MICU1: variants seen among roughly 807,000 people sequenced by gnomAD.
MICU1 encodes the protein calcium uptake protein 1, mitochondrial.
Under a neutral mutation model 56.8 loss-of-function variants are expected in MICU1, and 45 were observed. That is an observed-to-expected ratio of 0.79 (90% CI 0.62 to 1.02). MICU1 has a LOEUF of 1.02. Among genes scored for constraint, MICU1 ranks in the 50% least tolerant of loss-of-function variants. MICU1 has a pLI of 0.00. For synonymous variants in MICU1, 186 were observed against 195.1 expected (o/e 0.95, Z 0.39); for missense variants, 504 against 587.1 (o/e 0.86, Z 1.46).
chr10:72,612,655 G>A (rs1191911872), intron 1 of MICU1, among the ~76,000 whole-genome samples: 1 of 152,116 alleles, frequency 6.6e-6, no homozygotes, highest in Non-Finnish European at 1.5e-5. Flanking sequence ...TAAAAAATTA[G>A]CCAGGCAAGG....
chr10:72,404,442 C>T (rs901604106), intron 10 of MICU1, among the ~76,000 whole-genome samples: 5 of 152,136 alleles, frequency 3.3e-5, no homozygotes, highest in Non-Finnish European at 7.4e-5. Context: ...GAAATCAACT[C>T]AATAGGCAAC....
intron 9 of MICU1, among the ~76,000 whole-genome samples, chr10:72,418,280 C>T (rs776355691): frequency 3.3e-5 from 5 of 152,142 alleles, no homozygotes; most frequent in Non-Finnish European, 7.4e-5. Flanking sequence ...GTTAAGAAAA[C>T]CCCAGAACAC....
intron 1 of MICU1, among the ~76,000 whole-genome samples, chr10:72,584,200 G>T (rs950287457): frequency 4.6e-5 from 7 of 151,970 alleles, no homozygotes; most frequent in Non-Finnish European, 1.0e-4. Flanking sequence ...GAACCTCCAT[G>T]GTTCACCTTC....
chr10:72,611,179 T>C (rs902344568), intron 1 of MICU1, among the ~76,000 whole-genome samples: 1 of 151,472 alleles, frequency 6.6e-6, no homozygotes, highest in Non-Finnish European at 1.5e-5. Flanking sequence ...AGCGGGCGCC[T>C]GTAGTCCCAG....
At chr10:72,552,856 T>C (rs1235944992) in intron 3 of MICU1, among the ~76,000 whole-genome samples, 1 of 152,078 alleles carries the variant, frequency 6.6e-6, no homozygotes, top group East Asian at 1.9e-4. Context: ...GCCCAGCCTT[T>C]ATTGATATTT....
At chr10:72,524,442 T>C (rs1290048568) in intron 5 of MICU1, among the ~76,000 whole-genome samples, 1 of 152,162 alleles carries the variant, frequency 6.6e-6, no homozygotes, top group Non-Finnish European at 1.5e-5. Context: ...TAATTAAGTA[T>C]CTCTTATGCT....
At chr10:72,521,337 C>T (rs975856923) in intron 5 of MICU1, among the ~76,000 whole-genome samples, 7 of 152,048 alleles carry the variant, frequency 4.6e-5, no homozygotes, top group Admixed American at 3.9e-4. Flanking sequence ...AGCAAACAAA[C>T]ATTTATAGGT....
chr10:72,374,237 C>CAGA (rs1486383713), intron 11 of MICU1, among the ~76,000 whole-genome samples: 2 of 152,258 alleles, frequency 1.3e-5, no homozygotes, highest in Admixed American at 1.3e-4. Flanking sequence ...CCTCTCACTT[C>CAGA]AGCCTCCTGA....
intron 5 of MICU1, among the ~76,000 whole-genome samples, chr10:72,529,289 C>T (rs1014099736): frequency 1.3e-5 from 2 of 151,806 alleles, no homozygotes; most frequent in Non-Finnish European, 2.9e-5. Flanking sequence ...ATTTCTGAAA[C>T]GTTCAGGGAG....
chr10:72,434,378 A>T (rs532364169), intron 8 of MICU1, among the ~76,000 whole-genome samples: 26 of 152,146 alleles, frequency 1.7e-4, no homozygotes, highest in Non-Finnish European at 3.2e-4. Flanking sequence ...TGGCAGAATT[A>T]ACTGCTATTT....
chr10:72,458,704 G>GTT (rs58623292), intron 8 of MICU1, among the ~76,000 whole-genome samples: 13 of 142,896 alleles, frequency 9.1e-5, no homozygotes, highest in Non-Finnish European at 1.7e-4. Context: ...TGCGGTTCCT[G>GTT]TTTTTTTTTT....
intron 8 of MICU1, among the ~76,000 whole-genome samples, chr10:72,471,879 T>C (rs1016703185): frequency 6.6e-6 from 1 of 152,046 alleles, no homozygotes; most frequent in African/African-American, 2.4e-5. Flanking sequence ...GAGGAGTATA[T>C]TGGAACATTC....
chr10:72,461,426 T>C (rs1192746828), intron 8 of MICU1, among the ~76,000 whole-genome samples: 1 of 152,204 alleles, frequency 6.6e-6, no homozygotes, highest in Non-Finnish European at 1.5e-5. Context: ...AACTGAGCAG[T>C]CCCCTGCTCT....
At chr10:72,375,189 A>G (rs76713942) in intron 11 of MICU1, among the ~76,000 whole-genome samples, 4,320 of 152,272 alleles carry the variant, frequency 0.028, 184 homozygotes, top group African/African-American at 0.099. Flanking sequence ...TGAGCAGATT[A>G]ACTTTCTGGC....
chr10:72,574,812 T>C (rs1840701134), intron 1 of MICU1, among the ~76,000 whole-genome samples: 1 of 152,152 alleles, frequency 6.6e-6, no homozygotes, highest in African/African-American at 2.4e-5. Flanking sequence ...TTAAGCTGCT[T>C]AGAAACAGAG....
intron 9 of MICU1, among the ~76,000 whole-genome samples, chr10:72,413,359 A>T (rs1863886160): frequency 6.6e-6 from 1 of 152,266 alleles, no homozygotes; most frequent in Non-Finnish European, 1.5e-5. Context: ...AAATTTAAAA[A>T]ATTTGTGCTT....
chr10:72,476,310 C>T (rs1336136840), intron 7 of MICU1, among the ~76,000 whole-genome samples: 1 of 151,000 alleles, frequency 6.6e-6, no homozygotes, highest in African/African-American at 2.4e-5. Context: ...CTCACTGCAA[C>T]TTCAAAATCC....
At chr10:72,508,393 T>C (rs939506214) in intron 5 of MICU1, 124 bp from the exon 6 acceptor site, 5 of 440,796 alleles carry the variant, frequency 1.1e-5, no homozygotes, top group Middle Eastern at 1.2e-3. Flanking sequence ...ATTTCTCTCA[T>C]GGCCATTCAA....
chr10:72,623,300 CAAAAA>C lies in MICU1; in HGVS notation c.-2+2705_-2+2709del, dbSNP rs1164753291. Among the ~76,000 whole-genome samples the C allele has an allele frequency of 5.4e-4, 30 of 55,928 alleles. No individual in the cohort carries two copies. The South Asian group carries it at 0.019, about 35-fold the overall frequency. 36.7% of individuals were successfully genotyped at this position (55,928 alleles called of 152,430 possible). A position where few individuals can be genotyped will look rare whatever the true frequency, so the allele number is the denominator to read the frequency against. On this transcript the variant is annotated intron_variant, in intron 1 of 11. Transcript: ENST00000361114. ...GACAAGACAGAGCGAGACTCCGTCT[CAAAAA>C]AAAAAAAAAAAAAAAAGACAAGAAA...
Sources: allele counts gnomAD v4.1 joint callset (sites outside exome capture counted in the v4.1 genomes callset), GRCh38; gene constraint gnomAD v4.1.1; transcripts MANE v1.5; gene names NCBI Gene and HGNC (gene_info 2026-07-23, HGNC 2026-07-21).